ARHGAP15: variants seen among roughly 807,000 people sequenced by gnomAD.
ARHGAP15 encodes the protein Rho GTPase activating protein 15.
ARHGAP15 carries 51 observed loss-of-function variants against 63.7 expected under a neutral mutation model. The observed-to-expected ratio is 0.80, with a 90% CI of 0.64 to 1.01. ARHGAP15 has a LOEUF of 1.01. Among genes scored for constraint, ARHGAP15 ranks in the 50% least tolerant of loss-of-function variants. ARHGAP15 has a pLI of 0.00. For missense variants in ARHGAP15, 560 were observed against 564.6 expected (o/e 0.99, Z 0.08); for synonymous variants, 191 against 193.8 (o/e 0.99, Z 0.12).
chr2:143,539,678 A>C (rs931368542), intron 10 of ARHGAP15, among the ~76,000 whole-genome samples: 1 of 152,076 alleles, frequency 6.6e-6, no homozygotes, highest in Non-Finnish European at 1.5e-5. Flanking sequence ...GTTTCCATGT[A>C]GTTGAGCAGT....
intron 13 of ARHGAP15, among the ~76,000 whole-genome samples, chr2:143,730,952 A>C (rs1685506420): frequency 1.0e-5 from 1 of 97,300 alleles, no homozygotes; most frequent in Non-Finnish European, 1.9e-5. Context: ...TTTTTGATTC[A>C]GTGTGCACAG....
chr2:143,248,851 A>G (rs774454163), intron 5 of ARHGAP15, among the ~76,000 whole-genome samples: 3 of 152,192 alleles, frequency 2.0e-5, no homozygotes, highest in Non-Finnish European at 4.4e-5. Flanking sequence ...GTAGGTAAGT[A>G]CCTGGAACAT....
chr2:143,265,330 T>C (rs1574178744), intron 6 of ARHGAP15, among the ~76,000 whole-genome samples: 1 of 151,770 alleles, frequency 6.6e-6, no homozygotes, highest in Non-Finnish European at 1.5e-5. Context: ...CTGTAAGACA[T>C]AGGAGCAGAT....
At chr2:143,245,881 C>T (rs540041054) in intron 5 of ARHGAP15, among the ~76,000 whole-genome samples, 3 of 152,268 alleles carry the variant, frequency 2.0e-5, no homozygotes, top group African/African-American at 7.2e-5. Flanking sequence ...AATTTTGACA[C>T]TCACAGAGGC....
chr2:143,281,410 GATATA>G (rs1326807846), intron 6 of ARHGAP15, among the ~76,000 whole-genome samples: 7 of 152,088 alleles, frequency 4.6e-5, no homozygotes, highest in Admixed American at 1.3e-4. Context: ...TTTATATTAG[GATATA>G]ATATAATAGG....
intron 12 of ARHGAP15, among the ~76,000 whole-genome samples, chr2:143,699,136 G>C (rs1417416536): frequency 2.0e-5 from 3 of 151,956 alleles, no homozygotes; most frequent in Admixed American, 2.0e-4. Flanking sequence ...ATCTGAAAAG[G>C]TGTCATTTCG....
chr2:143,268,811 A>G (rs2105042682), intron 6 of ARHGAP15, among the ~76,000 whole-genome samples: 1 of 152,250 alleles, frequency 6.6e-6, no homozygotes, highest in East Asian at 1.9e-4. Flanking sequence ...ATTCAAATTA[A>G]GAGTAAGATA....
chr2:143,413,221 A>AT (rs1163574124), intron 6 of ARHGAP15, among the ~76,000 whole-genome samples: 2 of 152,090 alleles, frequency 1.3e-5, no homozygotes, highest in East Asian at 1.9e-4. Flanking sequence ...TTTCTTTTCC[A>AT]TTTTTTGCAG....
At position 143,729,819 on chromosome 2, in the gene ARHGAP15, A is replaced by T. The variant is rs527836377; in HGVS notation, c.1244+26295A>T. On this transcript the variant is annotated intron_variant, in intron 13 of 13. Transcript: ENST00000295095. Reference sequence around the variant, plus strand: ...GCCTTAAATCAAAGTGACTAAATGCATTTTTAGAAAGTACATGTTGAAAGT... The same window carrying T: ...GCCTTAAATCAAAGTGACTAAATGCTTTTTTAGAAAGTACATGTTGAAAGT... Among the ~76,000 whole-genome samples, 15 of 152,348 alleles carry T rather than the reference A, an allele frequency of 9.8e-5. No individual in the cohort carries two copies. The East Asian group carries it at 2.3e-3, about 24-fold the overall frequency.
In ARHGAP15 at chr2:143,337,173, G is replaced by A. The variant is rs115212508; in HGVS notation, c.474+86573G>A. On this transcript the variant is annotated intron_variant, in intron 6 of 13. Coordinates refer to ENST00000295095, the MANE Select transcript of ARHGAP15 (RefSeq NM_018460.4). Reference sequence around the variant, plus strand: ...AAGTGAACTCCAGACTGAGTGAAGAGAGTGTGCAAAAGTGCTGTGAAGATG... The same window carrying A: ...AAGTGAACTCCAGACTGAGTGAAGAAAGTGTGCAAAAGTGCTGTGAAGATG... Among the ~76,000 whole-genome samples, 1,237 of 152,254 alleles carry A rather than the reference G, an allele frequency of 8.1e-3. 20 individuals are homozygous for A. The highest frequency in any genetic ancestry group is 0.028 in the African/African-American group (1,164 of 41,536).
chr2:143,395,236 G>T (rs573907188), intron 6 of ARHGAP15, among the ~76,000 whole-genome samples: 4 of 152,160 alleles, frequency 2.6e-5, no homozygotes, highest in Non-Finnish European at 5.9e-5. Context: ...GAGCATTTCA[G>T]CTTGACTTTA....
At chr2:143,153,786 T>A (rs562123630) in intron 1 of ARHGAP15, among the ~76,000 whole-genome samples, 2,079 of 28,404 alleles carry the variant, frequency 0.073, 52 homozygotes, top group African/African-American at 0.2. Context: ...AATCTTCTTC[T>A]TCTTCTTCTT....
At chr2:143,255,624 A>G (rs574711120) in intron 6 of ARHGAP15, among the ~76,000 whole-genome samples, 1 of 152,200 alleles carries the variant, frequency 6.6e-6, no homozygotes, top group African/African-American at 2.4e-5. Context: ...TTAAAAAAAC[A>G]TAATTTTAAG....
At chr2:143,645,275 G>C (rs1419997734) in intron 12 of ARHGAP15, among the ~76,000 whole-genome samples, 1 of 151,966 alleles carries the variant, frequency 6.6e-6, no homozygotes, top group Non-Finnish European at 1.5e-5. Context: ...AGATTGAAAA[G>C]AACTTTTAAC....
At chr2:143,303,105 A>G (rs952982252) in intron 6 of ARHGAP15, among the ~76,000 whole-genome samples, 3 of 152,234 alleles carry the variant, frequency 2.0e-5, no homozygotes, top group African/African-American at 7.2e-5. Flanking sequence ...GGCATGGGCA[A>G]AGACTTCATG....
intron 6 of ARHGAP15, among the ~76,000 whole-genome samples, chr2:143,303,190 T>C (rs970746019): frequency 1.5e-4 from 23 of 151,284 alleles, no homozygotes; most frequent in African/African-American, 5.6e-4. Context: ...AGAGCTTCAG[T>C]AGGGCAAAGG....
At chr2:143,418,574 A>G (rs1041517429) in intron 6 of ARHGAP15, among the ~76,000 whole-genome samples, 2 of 152,214 alleles carry the variant, frequency 1.3e-5, no homozygotes, top group Non-Finnish European at 1.5e-5. Context: ...GAGAAGAAAT[A>G]TTTAAAGTTC....
intron 6 of ARHGAP15, among the ~76,000 whole-genome samples, chr2:143,319,908 C>T (rs903072456): frequency 3.3e-5 from 5 of 152,104 alleles, no homozygotes; most frequent in African/African-American, 1.2e-4. Flanking sequence ...ACACCAAGAT[C>T]GGTAAAAATG....
At chr2:143,364,756 G>T (rs1284681583) in intron 6 of ARHGAP15, among the ~76,000 whole-genome samples, 2 of 152,184 alleles carry the variant, frequency 1.3e-5, no homozygotes, top group Admixed American at 6.5e-5. Flanking sequence ...GCCAGGCACG[G>T]TGGCTCAGGC....
Sources: gnomAD v4.1 joint callset for allele counts (sites outside exome capture counted in the v4.1 genomes callset) on GRCh38, gnomAD v4.1.1 for gene constraint, MANE v1.5 for transcripts, NCBI Gene and HGNC (gene_info 2026-07-23, HGNC 2026-07-21) for gene names.